Variants in CPQ observed in about 807,000 individuals in gnomAD.
The protein encoded by CPQ is Ser-Met dipeptidase.
CPQ carries 37 observed loss-of-function variants against 45.7 expected under a neutral mutation model. The observed-to-expected ratio is 0.81, with a 90% CI of 0.62 to 1.07. The LOEUF is 1.07. Ranked by LOEUF, CPQ falls within the 50% of genes least tolerant of loss-of-function variation. The pLI is 0.00. For synonymous variants in CPQ, 186 were observed against 205.8 expected, an observed-to-expected ratio of 0.90 and a Z score of 0.82; for missense variants, 537 against 572.9, an observed-to-expected ratio of 0.94 and a Z score of 0.64.
chr8:96,996,574 C>T (rs1435547045), intron 5 of CPQ, among the ~76,000 whole-genome samples: 1 of 151,928 alleles, frequency 6.6e-6, no homozygotes, highest in Non-Finnish European at 1.5e-5. Context: ...TTTGATCTTA[C>T]GAGTCTTTAG....
intron 1 of CPQ, among the ~76,000 whole-genome samples, chr8:96,677,730 C>T (rs532717460): frequency 5.3e-5 from 8 of 152,136 alleles, no homozygotes; most frequent in African/African-American, 1.9e-4. Flanking sequence ...CAGTCTTATT[C>T]ATGAATTCTT....
chr8:96,845,188 C>G (rs968030136), intron 3 of CPQ, among the ~76,000 whole-genome samples: 8 of 152,182 alleles, frequency 5.3e-5, no homozygotes, highest in Non-Finnish European at 1.0e-4. Flanking sequence ...CTCAAACTCT[C>G]TCACACATAA....
intron 5 of CPQ, among the ~76,000 whole-genome samples, chr8:96,973,053 A>C (rs896838015): frequency 6.6e-6 from 1 of 152,178 alleles, no homozygotes; most frequent in Non-Finnish European, 1.5e-5. Flanking sequence ...AATTGCCAGA[A>C]ATAGAATTCA....
intron 1 of CPQ, among the ~76,000 whole-genome samples, chr8:96,713,757 A>G (rs1477881394): frequency 6.6e-6 from 1 of 152,360 alleles, no homozygotes; most frequent in South Asian, 2.1e-4. Flanking sequence ...TATGCTTTCA[A>G]GAGGTCTATT....
chr8:96,836,212 G>A (rs1811528708), intron 3 of CPQ, among the ~76,000 whole-genome samples: 1 of 152,090 alleles, frequency 6.6e-6, no homozygotes, highest in South Asian at 2.1e-4. Flanking sequence ...ATTGCTATTT[G>A]GAACTGGAGA....
At chr8:97,087,515 G>T (rs1286645518) in intron 7 of CPQ, among the ~76,000 whole-genome samples, 1 of 152,018 alleles carries the variant, frequency 6.6e-6, no homozygotes, top group Non-Finnish European at 1.5e-5. Context: ...TGTTATAATG[G>T]TAATTAGCAT....
At chr8:96,845,103 A>G (rs1312782370) in intron 3 of CPQ, among the ~76,000 whole-genome samples, 1 of 152,174 alleles carries the variant, frequency 6.6e-6, no homozygotes, top group African/African-American at 2.4e-5. Context: ...CTCTGTTTCA[A>G]TCTTTACATT....
intron 4 of CPQ, among the ~76,000 whole-genome samples, chr8:96,963,202 T>C (rs555937284): frequency 6.6e-6 from 1 of 152,316 alleles, no homozygotes; most frequent in Admixed American, 6.5e-5. Context: ...AGAAAAAGTT[T>C]ATTGAAGCAC....
intron 4 of CPQ, among the ~76,000 whole-genome samples, chr8:96,898,597 A>G (rs557122780): frequency 8.8e-5 from 11 of 124,374 alleles, no homozygotes; most frequent in African/African-American, 3.4e-4. Flanking sequence ...GGACACAGGA[A>G]GGGGAATATC....
intron 7 of CPQ, among the ~76,000 whole-genome samples, chr8:97,104,166 G>A (rs754398923): frequency 6.6e-6 from 1 of 152,112 alleles, no homozygotes; most frequent in Non-Finnish European, 1.5e-5. Context: ...TCATATCAAA[G>A]GTTTGCCTTT....
intron 6 of CPQ, among the ~76,000 whole-genome samples, chr8:97,058,776 A>G (rs1810497670): frequency 6.6e-6 from 1 of 152,192 alleles, no homozygotes; most frequent in African/African-American, 2.4e-5. Context: ...TCAAAATTTA[A>G]TTGTGAGCTC....
intron 4 of CPQ, among the ~76,000 whole-genome samples, chr8:96,901,815 C>A (rs143662040): frequency 6.6e-6 from 1 of 152,286 alleles, no homozygotes; most frequent in African/African-American, 2.4e-5. Flanking sequence ...TGCCAAGTGA[C>A]ATTGCTGTGT....
Position 96,822,517 on chromosome 8 carries a change from G to A in CPQ, c.434-12456G>A, listed in dbSNP as rs112199356. Among the ~76,000 whole-genome samples, 422 of 151,744 alleles carry A rather than the reference G, an allele frequency of 2.8e-3. 1 individual carries two copies. Among genetic ancestry groups the A allele is most frequent in the Middle Eastern group, 0.01 (3 of 294 alleles). ...AGCCTCTACACTGTTTTTCATAATG[G>A]CATTCTCAATTTACATTCTCTTCAA... On this transcript the variant is annotated intron_variant, in intron 2 of 7. Transcript: ENST00000220763.
intron 5 of CPQ, among the ~76,000 whole-genome samples, chr8:97,008,816 G>A (rs1195320794): frequency 6.6e-6 from 1 of 152,090 alleles, no homozygotes; most frequent in Non-Finnish European, 1.5e-5. Flanking sequence ...CACATAAAGT[G>A]TTTAGCATAT....
chr8:97,061,506 G>C (rs906094049), intron 6 of CPQ, among the ~76,000 whole-genome samples: 4 of 152,130 alleles, frequency 2.6e-5, no homozygotes, highest in Admixed American at 6.6e-5. Context: ...ATTCCTCTGG[G>C]TTGGAATTCT....
intron 4 of CPQ, among the ~76,000 whole-genome samples, chr8:96,916,888 T>C (rs1306339700): frequency 6.6e-6 from 1 of 152,140 alleles, no homozygotes; most frequent in Non-Finnish European, 1.5e-5. Flanking sequence ...ACTGGGGTAA[T>C]GTGTTTTAGG....
At chr8:96,753,225 G>A (rs1329495800) in intron 1 of CPQ, among the ~76,000 whole-genome samples, 1 of 151,958 alleles carries the variant, frequency 6.6e-6, no homozygotes, top group African/African-American at 2.4e-5. Flanking sequence ...TGTGTACAAG[G>A]CTCTATTTCA....
chr8:96,969,356 C>G (rs1175112767), intron 5 of CPQ, among the ~76,000 whole-genome samples: 1 of 152,148 alleles, frequency 6.6e-6, no homozygotes, highest in Non-Finnish European at 1.5e-5. Flanking sequence ...GTATCAGATG[C>G]CTTGCACTAA....
intron 4 of CPQ, among the ~76,000 whole-genome samples, chr8:96,881,877 T>C (rs1812228397): frequency 6.6e-6 from 1 of 152,230 alleles, no homozygotes; most frequent in South Asian, 2.1e-4. Context: ...TGGCATCAAG[T>C]GTGCAATAAA....
Sources: allele counts gnomAD v4.1 joint callset (sites outside exome capture counted in the v4.1 genomes callset), GRCh38; gene constraint gnomAD v4.1.1; transcripts MANE v1.5; gene names NCBI Gene and HGNC (gene_info 2026-07-23, HGNC 2026-07-21).